Variants in ADAMTS19 observed in about 807,000 individuals in gnomAD.
ADAMTS19 encodes ADAM metallopeptidase with thrombospondin type 1 motif 19, also known as A disintegrin and metalloproteinase with thrombospondin motifs 19.
A neutral mutation model predicts 153.3 loss-of-function variants in ADAMTS19; 93 were observed. That is an observed-to-expected ratio of 0.61 (90% CI 0.51 to 0.72). ADAMTS19 has a LOEUF of 0.72. ADAMTS19 is among the 30% of genes least tolerant of loss of function. ADAMTS19 has a pLI of 0.00. For missense variants in ADAMTS19, 1,482 were observed against 1,552.1 expected (o/e 0.95, Z 0.76); for synonymous variants, 600 against 556.6 (o/e 1.08, Z -1.10).
At chr5:129,701,689 T>C (rs1755867595) in intron 20 of ADAMTS19, 97 bp downstream of exon 20, 2 of 1,282,278 alleles carry the variant, frequency 1.6e-6, no homozygotes, top group Admixed American at 6.3e-5. Flanking sequence ...TTGAAGTTGA[T>C]ATTTTTCTAT....
At chr5:129,654,903 A>T (rs1171815998) in intron 14 of ADAMTS19, among the ~76,000 whole-genome samples, 1 of 152,158 alleles carries the variant, frequency 6.6e-6, no homozygotes. Flanking sequence ...TTCTTTAATA[A>T]ACATTTTATT....
chr5:129,704,585 G>A (rs1311401227), intron 21 of ADAMTS19, among the ~76,000 whole-genome samples, 194 bp downstream of exon 21: 3 of 152,060 alleles, frequency 2.0e-5, no homozygotes, highest in East Asian at 1.9e-4. Flanking sequence ...AAGATAAAAT[G>A]TACAAAGCAC....
Position 129,704,280 on chromosome 5 carries a change from T to G in ADAMTS19, c.3201T>G (p.Val1067=). ...GCAAAGGCATACGTCATCGGACCGT[T>G]AGATGTACCAACCCAAGAAAGAAGT... The part of the protein sequence containing the change: ...KCGKGIRHRT[V]RCTNPRKKCV... Residue 1067 remains valine (V), a synonymous_variant, in exon 21 of 23, where the codon GTT becomes GTG. Coordinates refer to ENST00000274487, the MANE Select transcript of ADAMTS19 (RefSeq NM_133638.6). The G allele has an allele frequency of 6.2e-7, 1 of 1,614,132 alleles. No homozygotes were observed.
intron 2 of ADAMTS19, among the ~76,000 whole-genome samples, chr5:129,505,783 T>A (rs12188747): frequency 6.6e-6 from 1 of 152,070 alleles, no homozygotes; most frequent in South Asian, 2.1e-4. Flanking sequence ...AAAATGCCTA[T>A]GAAGATAGAA....
At chr5:129,514,100 G>A (rs1400488841) in intron 3 of ADAMTS19, among the ~76,000 whole-genome samples, 1 of 150,856 alleles carries the variant, frequency 6.6e-6, no homozygotes, top group Non-Finnish European at 1.5e-5. Flanking sequence ...TTCCATCCAT[G>A]TTGCTGCAAA....
intron 18 of ADAMTS19, among the ~76,000 whole-genome samples, chr5:129,687,650 T>A (rs1755153101): frequency 1.3e-5 from 2 of 152,118 alleles, no homozygotes. Context: ...GGCTTAGAGG[T>A]TAAGTGACTT....
chr5:129,543,312 A>G (rs1401621291), intron 6 of ADAMTS19, among the ~76,000 whole-genome samples: 1 of 152,092 alleles, frequency 6.6e-6, no homozygotes, highest in Non-Finnish European at 1.5e-5. Flanking sequence ...TCGGCCTCCC[A>G]AAGTGCTGGA....
intron 1 of ADAMTS19, among the ~76,000 whole-genome samples, 184 bp from the exon 2 acceptor site, chr5:129,460,918 A>G (rs1299761663): frequency 6.6e-6 from 1 of 151,238 alleles, no homozygotes; most frequent in Non-Finnish European, 1.5e-5. Flanking sequence ...TTTACTCTGA[A>G]AATGCTGGGG....
chr5:129,603,255 G>A (rs79547937), intron 8 of ADAMTS19, among the ~76,000 whole-genome samples: 3,717 of 152,224 alleles, frequency 0.024, 129 homozygotes, highest in African/African-American at 0.08. Flanking sequence ...AGGAAGTTGC[G>A]TGTGAGTTGC....
intron 18 of ADAMTS19, among the ~76,000 whole-genome samples, chr5:129,693,905 C>G (rs538915331): frequency 9.9e-5 from 15 of 152,132 alleles, no homozygotes; most frequent in Admixed American, 2.0e-4. Context: ...TTCTTGGGGT[C>G]TTTATTAGAG....
chr5:129,612,304 G>T (rs371826611), intron 8 of ADAMTS19, among the ~76,000 whole-genome samples: 2 of 151,474 alleles, frequency 1.3e-5, no homozygotes, highest in African/African-American at 2.4e-5. Flanking sequence ...GGACATGAAC[G>T]CATCATTTTT....
intron 8 of ADAMTS19, among the ~76,000 whole-genome samples, chr5:129,602,141 G>A (rs1017245485): frequency 3.9e-5 from 6 of 152,264 alleles, no homozygotes; most frequent in Non-Finnish European, 8.8e-5. Flanking sequence ...TGCCCAGGCT[G>A]GAGTGCAATG....
At chr5:129,484,152 T>C (rs932141785) in intron 2 of ADAMTS19, among the ~76,000 whole-genome samples, 1 of 152,246 alleles carries the variant, frequency 6.6e-6, no homozygotes, top group Non-Finnish European at 1.5e-5. Flanking sequence ...CCTTTTTATA[T>C]GTTTCTGTTA....
intron 21 of ADAMTS19, among the ~76,000 whole-genome samples, chr5:129,722,499 T>G (rs954740060): frequency 6.8e-6 from 1 of 147,270 alleles, no homozygotes; most frequent in Non-Finnish European, 1.5e-5. Flanking sequence ...ATATTAGACC[T>G]TTGTTAGATA....
At chr5:129,597,905 A>AG (rs996348533) in intron 8 of ADAMTS19, among the ~76,000 whole-genome samples, 1 of 151,452 alleles carries the variant, frequency 6.6e-6, no homozygotes, top group African/African-American at 2.4e-5. Flanking sequence ...TATCTCAAAA[A>AG]AAAAAAAAGA....
chr5:129,610,808 A>G (rs1375047659), intron 8 of ADAMTS19, among the ~76,000 whole-genome samples: 6 of 152,146 alleles, frequency 3.9e-5, no homozygotes, highest in African/African-American at 1.4e-4. Flanking sequence ...TACACCCAGT[A>G]ATGGAATGGC....
chr5:129,512,408 T>G (rs1253065416), intron 3 of ADAMTS19, among the ~76,000 whole-genome samples: 2 of 152,116 alleles, frequency 1.3e-5, no homozygotes, highest in East Asian at 3.9e-4. Flanking sequence ...GTATCAACTG[T>G]GTTGTTTTTA....
chr5:129,599,258 A>G (rs1750527149), intron 8 of ADAMTS19, among the ~76,000 whole-genome samples: 1 of 152,176 alleles, frequency 6.6e-6, no homozygotes. Flanking sequence ...AAACCTATGA[A>G]AAATCATAGG....
At chr5:129,493,501 A>G (rs1335015655) in intron 2 of ADAMTS19, among the ~76,000 whole-genome samples, 2 of 151,674 alleles carry the variant, frequency 1.3e-5, no homozygotes, top group East Asian at 3.9e-4. Flanking sequence ...TTCAACTAAG[A>G]TGCTTTGTAA....
Sources: allele counts gnomAD v4.1 joint callset (sites outside exome capture counted in the v4.1 genomes callset), GRCh38; gene constraint gnomAD v4.1.1; transcripts MANE v1.5; gene names NCBI Gene and HGNC (gene_info 2026-07-23, HGNC 2026-07-21).